The following MACROD2 variants were observed in gnomAD, a reference collection of about 807,000 sequenced individuals.
MACROD2 encodes ADP-ribose glycohydrolase MACROD2.
Under a neutral mutation model 70.4 loss-of-function variants are expected in MACROD2, and 36 were observed. The observed-to-expected ratio is 0.51, with a 90% CI of 0.39 to 0.68. MACROD2 has a LOEUF of 0.68. Among genes scored for constraint, MACROD2 ranks in the 30% least tolerant of loss-of-function variants. The probability of loss-of-function intolerance (pLI) is 0.00; values close to 1 mark genes in which losing one functional copy is unlikely to be tolerated. For synonymous variants in MACROD2, 172 were observed against 178.8 expected (o/e 0.96, Z 0.30); for missense variants, 496 against 538.4 (o/e 0.92, Z 0.78).
At chr20:14,000,805 A>G (rs1231482795) in intron 1 of MACROD2, among the ~76,000 whole-genome samples, 1 of 152,210 alleles carries the variant, frequency 6.6e-6, no homozygotes, top group Non-Finnish European at 1.5e-5. Flanking sequence ...AACTTTCAAT[A>G]TTAGTAGTCT....
chr20:15,973,829 C>A (rs1318230490), intron 13 of MACROD2, among the ~76,000 whole-genome samples: 3 of 152,298 alleles, frequency 2.0e-5, no homozygotes, highest in East Asian at 3.9e-4. Flanking sequence ...GCAAAAAAAT[C>A]TCCAGTGACA....
chr20:15,138,105 A>C (rs2123297715), intron 5 of MACROD2, among the ~76,000 whole-genome samples: 1 of 152,236 alleles, frequency 6.6e-6, no homozygotes, highest in East Asian at 1.9e-4. Context: ...ATGAGATGAA[A>C]ATTTAGGAAC....
chr20:15,713,630 A>G (rs549942440), intron 8 of MACROD2, among the ~76,000 whole-genome samples: 2 of 152,254 alleles, frequency 1.3e-5, no homozygotes, highest in East Asian at 3.9e-4. Flanking sequence ...CAAGGAGGAT[A>G]GTGCTAAACC....
intron 5 of MACROD2, among the ~76,000 whole-genome samples, chr20:15,167,781 T>C (rs2076395761): frequency 6.6e-6 from 1 of 152,168 alleles, no homozygotes; most frequent in Non-Finnish European, 1.5e-5. Flanking sequence ...TCTGACAACC[T>C]GATGTTCTTT....
intron 8 of MACROD2, among the ~76,000 whole-genome samples, chr20:15,693,906 A>G (rs2050330797): frequency 7.0e-6 from 1 of 142,522 alleles, no homozygotes; most frequent in Non-Finnish European, 1.5e-5. Flanking sequence ...CCACTGCATC[A>G]TTCTTATGCC....
chr20:15,626,559 GAAAACTGC>G (rs1439391722), intron 8 of MACROD2, among the ~76,000 whole-genome samples: 2 of 152,152 alleles, frequency 1.3e-5, no homozygotes, highest in Non-Finnish European at 2.9e-5. Context: ...TGGAGATTTA[GAAAACTGC>G]AAATGGGGTG....
chr20:14,615,751 G>A (rs1198217224), intron 4 of MACROD2, among the ~76,000 whole-genome samples: 2 of 152,120 alleles, frequency 1.3e-5, no homozygotes, highest in Non-Finnish European at 2.9e-5. Context: ...GGCAGAGCTT[G>A]CAATCAGGAA....
At chr20:14,583,955 C>T (rs913119017) in intron 4 of MACROD2, among the ~76,000 whole-genome samples, 1 of 152,060 alleles carries the variant, frequency 6.6e-6, no homozygotes, top group Non-Finnish European at 1.5e-5. Context: ...CAGCCTTTGC[C>T]CTTGTGTTAC....
At chr20:14,284,654 T>G (rs2082330313) in intron 3 of MACROD2, among the ~76,000 whole-genome samples, 1 of 152,210 alleles carries the variant, frequency 6.6e-6, no homozygotes, top group African/African-American at 2.4e-5. Flanking sequence ...CACAAAGAGG[T>G]GCAGCCCTTG....
intron 6 of MACROD2, among the ~76,000 whole-genome samples, chr20:15,426,128 C>A (rs1255841779): frequency 6.6e-6 from 1 of 151,540 alleles, no homozygotes; most frequent in Non-Finnish European, 1.5e-5. Flanking sequence ...TGTTTATCTG[C>A]TGACCTTCCC....
chr20:15,678,309 T>C (rs2050100483), intron 8 of MACROD2, among the ~76,000 whole-genome samples: 1 of 151,606 alleles, frequency 6.6e-6, no homozygotes, highest in African/African-American at 2.4e-5. Flanking sequence ...GAGGCTACAG[T>C]GAGCAATGAT....
intron 3 of MACROD2, among the ~76,000 whole-genome samples, chr20:14,200,594 C>A (rs2081471461): frequency 1.3e-5 from 2 of 152,008 alleles, no homozygotes; most frequent in South Asian, 4.1e-4. Flanking sequence ...AGGATAGGTT[C>A]CTAGAAATAA....
chr20:15,955,137 T>G (rs1452278470), intron 12 of MACROD2, among the ~76,000 whole-genome samples: 1 of 152,094 alleles, frequency 6.6e-6, no homozygotes, highest in Non-Finnish European at 1.5e-5. Flanking sequence ...GGTGTGCAAA[T>G]GGAAGGTATT....
intron 5 of MACROD2, among the ~76,000 whole-genome samples, chr20:14,992,021 G>A (rs1422928661): frequency 1.3e-5 from 2 of 152,094 alleles, no homozygotes; most frequent in African/African-American, 4.8e-5. Flanking sequence ...TGGGAGGAGA[G>A]GATAGAGTCA....
chr20:15,874,411 A>G (rs965783932), intron 9 of MACROD2, among the ~76,000 whole-genome samples: 4 of 152,136 alleles, frequency 2.6e-5, no homozygotes, highest in East Asian at 3.9e-4. Flanking sequence ...ATGATTTATA[A>G]TCCTTTGGGT....
At chr20:15,668,701 G>A (rs2049935950) in intron 8 of MACROD2, among the ~76,000 whole-genome samples, 1 of 152,226 alleles carries the variant, frequency 6.6e-6, no homozygotes, top group African/African-American at 2.4e-5. Flanking sequence ...TCTCGATTAT[G>A]AAGATACATT....
intron 3 of MACROD2, among the ~76,000 whole-genome samples, chr20:14,278,525 C>T (rs1164788466): frequency 2.0e-5 from 3 of 152,194 alleles, no homozygotes; most frequent in Non-Finnish European, 2.9e-5. Flanking sequence ...TTTTAGCCAT[C>T]TCTTTTTCAG....
intron 7 of MACROD2, among the ~76,000 whole-genome samples, chr20:15,432,875 AC>A (rs1390140312): frequency 6.6e-6 from 1 of 152,000 alleles, no homozygotes; most frequent in Non-Finnish European, 1.5e-5. Context: ...TATATGGTAT[AC>A]TATAAGTAGG....
chr20:15,582,339 G>A (rs1222880262), intron 8 of MACROD2, among the ~76,000 whole-genome samples: 1 of 152,122 alleles, frequency 6.6e-6, no homozygotes, highest in Non-Finnish European at 1.5e-5. Flanking sequence ...AATTCACCTA[G>A]TGCTTGGTCC....
Sources: gnomAD v4.1 joint callset for allele counts (sites outside exome capture counted in the v4.1 genomes callset) on GRCh38, gnomAD v4.1.1 for gene constraint, MANE v1.5 for transcripts, NCBI Gene and HGNC (gene_info 2026-07-23, HGNC 2026-07-21) for gene names.